MEDAG: variants seen among roughly 807,000 people sequenced by gnomAD.
The protein encoded by MEDAG is mesenteric estrogen dependent adipogenesis, also known as mesenteric estrogen-dependent adipogenesis protein.
In MEDAG, 25 loss-of-function variants were observed where a neutral mutation model predicts 29.9. The ratio of observed to expected loss-of-function variants is 0.84; its 90% CI spans 0.61 to 1.17. MEDAG has a LOEUF of 1.17. Among genes scored for constraint, MEDAG ranks in the 50% most tolerant of loss-of-function variants. MEDAG has a pLI of 0.00. For missense variants in MEDAG, 398 were observed against 372.9 expected, an observed-to-expected ratio of 1.07 and a Z score of -0.56; for synonymous variants, 158 against 148.2, an observed-to-expected ratio of 1.07 and a Z score of -0.48.
intron 1 of MEDAG, among the ~76,000 whole-genome samples, chr13:30,909,600 T>A (rs1952863103): frequency 6.6e-6 from 1 of 152,224 alleles, no homozygotes; most frequent in South Asian, 2.1e-4. Context: ...CAATTTTTGC[T>A]GACCATCCAG....
chr13:30,919,962 G>T (rs957680329), intron 2 of MEDAG, among the ~76,000 whole-genome samples: 1 of 152,134 alleles, frequency 6.6e-6, no homozygotes, highest in African/African-American at 2.4e-5. Flanking sequence ...AACATGAGGG[G>T]TTACCAAACC....
chr13:30,907,879 G>A (rs994701782), intron 1 of MEDAG, among the ~76,000 whole-genome samples: 10 of 152,218 alleles, frequency 6.6e-5, no homozygotes, highest in Non-Finnish European at 1.2e-4. Context: ...AAAAAACCTT[G>A]CTTTTCCAAA....
At chr13:30,920,678 G>T (rs1422671007) in intron 2 of MEDAG, among the ~76,000 whole-genome samples, 3 of 152,074 alleles carry the variant, frequency 2.0e-5, no homozygotes, top group Admixed American at 2.0e-4. Context: ...CCCCATAATG[G>T]ATACATGCTG....
chr13:30,907,473 A>G (rs1221533855), intron 1 of MEDAG, among the ~76,000 whole-genome samples: 1 of 152,224 alleles, frequency 6.6e-6, no homozygotes, highest in Non-Finnish European at 1.5e-5. Context: ...GGAGGCCCCC[A>G]GGATGCTTGA....
At chr13:30,911,080 G>A (rs906149734) in intron 1 of MEDAG, among the ~76,000 whole-genome samples, 1 of 152,314 alleles carries the variant, frequency 6.6e-6, no homozygotes, top group East Asian at 1.9e-4. Context: ...TTTGCGAGCT[G>A]AATGACCTTG....
At chr13:30,911,138 T>G (rs1357268254) in intron 1 of MEDAG, among the ~76,000 whole-genome samples, 5 of 152,188 alleles carry the variant, frequency 3.3e-5, no homozygotes, top group Non-Finnish European at 7.3e-5. Context: ...AACTATAAAG[T>G]GGGAATAGTA....
chr13:30,918,749 C>G (rs118030454), intron 2 of MEDAG, among the ~76,000 whole-genome samples: 12,230 of 152,254 alleles, frequency 0.08, 684 homozygotes, highest in Non-Finnish European at 0.12. Flanking sequence ...AACATTCACT[C>G]TCATTCAAAT....
intron 1 of MEDAG, among the ~76,000 whole-genome samples, chr13:30,912,860 C>G (rs1260101139): frequency 1.3e-5 from 2 of 152,150 alleles, no homozygotes; most frequent in Non-Finnish European, 2.9e-5. Context: ...TGAACACAGC[C>G]CTGGTTGGGA....
intron 1 of MEDAG, among the ~76,000 whole-genome samples, chr13:30,911,069 C>A (rs1258871847): frequency 6.6e-6 from 1 of 152,226 alleles, no homozygotes; most frequent in East Asian, 1.9e-4. Flanking sequence ...GGGCTCTGCT[C>A]TTTGCGAGCT....
intron 2 of MEDAG, 58 bp downstream of exon 2, chr13:30,917,570 T>C: frequency 2.1e-6 from 2 of 957,234 alleles, no homozygotes; most frequent in Non-Finnish European, 3.3e-6. Flanking sequence ...TAAAACTGGG[T>C]AATTTATAAA....
At chr13:30,909,651 C>T (rs1952863488) in intron 1 of MEDAG, among the ~76,000 whole-genome samples, 1 of 152,134 alleles carries the variant, frequency 6.6e-6, no homozygotes, top group Admixed American at 6.5e-5. Flanking sequence ...AGAATCCTTG[C>T]TCTATTAATT....
intron 1 of MEDAG, among the ~76,000 whole-genome samples, chr13:30,912,209 C>T (rs1382963380): frequency 1.3e-5 from 2 of 152,172 alleles, no homozygotes; most frequent in Non-Finnish European, 2.9e-5. Flanking sequence ...GAGCCACACA[C>T]ATTAGAGTGA....
Position 30,924,341 on chromosome 13 carries a change from T to C in MEDAG, c.818T>C (p.Leu273Pro), listed in dbSNP as rs760973126. The C allele has an allele frequency of 1.1e-4, 177 of 1,614,006 alleles. No individual in the cohort carries two copies. The highest frequency in any genetic ancestry group is 1.5e-4 in the Non-Finnish European group (174 of 1,179,970). The change falls in exon 5 of 5, where the codon CTG (leucine) becomes CCG (proline). Residue 273 changes from leucine to proline, a missense_variant. Physicochemically the swap from Leu to Pro is moderately conservative, Grantham distance 98 (BLOSUM62 -3). Transcript: ENST00000380482. ...ATAGATGATGTTTTTAACTGCAATC[T>C]GTCACCCAGATCATCTCTGACAGAG... ...GSIDDVFNCNLSPRSSLTEPL... is the reference protein window; with the variant it reads ...GSIDDVFNCNPSPRSSLTEPL...
intron 1 of MEDAG, 115 bp downstream of exon 1, chr13:30,906,908 C>A: frequency 9.2e-7 from 1 of 1,092,462 alleles, no homozygotes; most frequent in Non-Finnish European, 1.2e-6. Flanking sequence ...CCGCGTGGCC[C>A]CTTGCTCCGT....
chr13:30,918,233 A>G lies in MEDAG; in HGVS notation c.388+721A>G, dbSNP rs1304276805. Among the ~76,000 whole-genome samples the G allele has an allele frequency of 3.3e-5, 5 of 152,322 alleles. No homozygotes were observed. In the East Asian group the frequency reaches 9.6e-4, roughly 29 times the overall value. On this transcript the variant is annotated intron_variant, in intron 2 of 4. Transcript: ENST00000380482. ...TATCAAACACCTACTATGTCTAAGAAGTGCTCTAATGTAATGGATCACCAC... is the reference window on the plus strand; with the variant it reads ...TATCAAACACCTACTATGTCTAAGAGGTGCTCTAATGTAATGGATCACCAC...
chr13:30,920,192 G>A (rs1416339162), intron 2 of MEDAG, among the ~76,000 whole-genome samples: 1 of 152,202 alleles, frequency 6.6e-6, no homozygotes, highest in Non-Finnish European at 1.5e-5. Context: ...GCATGGGGTA[G>A]GGGTAGGGGT....
chr13:30,906,673 AC>A lies in MEDAG; in HGVS notation c.160del (p.Gln54SerfsTer44). ...LQPGAFQLSG[D>X]QLVVARPGEP... ...CCCGGTGCCTTCCAGCTGAGCGGCG[AC>A]CAGCTCGTGGTGGCCAGGCCCGGGG... On this transcript the variant is annotated frameshift_variant, in exon 1 of 5. Coordinates refer to ENST00000380482, the MANE Select transcript of MEDAG (RefSeq NM_032849.4). LOFTEE classifies it high-confidence loss of function. 6.4e-7 allele frequency: 1 copy of A among 1,555,618 alleles called. No homozygotes were observed. Among genetic ancestry groups the A allele is most frequent in the Non-Finnish European group, 8.6e-7 (1 of 1,158,410 alleles).
At chr13:30,916,575 A>C (rs903997767) in intron 1 of MEDAG, 1 of 152,280 alleles carries the variant, frequency 6.6e-6, no homozygotes, top group Non-Finnish European at 1.5e-5. Context: ...GCTGGGGGCC[A>C]TTCAGCCTAC....
chr13:30,915,023 G>A (rs189729591), intron 1 of MEDAG, among the ~76,000 whole-genome samples: 35 of 152,270 alleles, frequency 2.3e-4, no homozygotes, highest in Non-Finnish European at 4.3e-4. Flanking sequence ...AACCTGCCTC[G>A]AATGGGTCAT....
Sources: gnomAD v4.1 joint callset for allele counts (sites outside exome capture counted in the v4.1 genomes callset) on GRCh38, gnomAD v4.1.1 for gene constraint, MANE v1.5 for transcripts, NCBI Gene and HGNC (gene_info 2026-07-23, HGNC 2026-07-21) for gene names.